Variants in CWC22 observed in about 807,000 individuals in gnomAD.
CWC22 encodes CWC22 spliceosome associated protein, also known as pre-mRNA-splicing factor CWC22 homolog.
A neutral mutation model predicts 117.2 loss-of-function variants in CWC22; 53 were observed. The observed-to-expected ratio is 0.45, with a 90% CI of 0.36 to 0.57. The LOEUF (loss-of-function observed/expected upper bound fraction) is 0.57, where lower values mean the gene tolerates loss of function less well. CWC22 is among the 20% of genes least tolerant of loss of function. The pLI, the probability that CWC22 is intolerant of heterozygous loss-of-function variation, is 0.00. For synonymous variants in CWC22, 360 were observed against 355.6 expected (o/e 1.01, Z -0.14); for missense variants, 980 against 1,068.8 (o/e 0.92, Z 1.16).
At chr2:179,995,012 G>A (rs79755156) in intron 1 of CWC22, among the ~76,000 whole-genome samples, 9,951 of 152,194 alleles carry the variant, frequency 0.065, 486 homozygotes, top group East Asian at 0.25. Context: ...CAGCTACTCC[G>A]GAGGCTGAGG....
chr2:179,998,051 A>AG (rs962494234), intron 1 of CWC22, among the ~76,000 whole-genome samples: 3 of 152,194 alleles, frequency 2.0e-5, no homozygotes, highest in Admixed American at 1.3e-4. Flanking sequence ...CAGAAAGTGT[A>AG]GGGGAAACCC....
In CWC22 at chr2:179,961,769, C is replaced by G. The variant is rs949777244; in HGVS notation, c.1398-2687G>C. 4.6e-5 allele frequency among the ~76,000 whole-genome samples: 7 copies of G among 151,658 alleles called. No individual in the cohort carries two copies. The South Asian group carries it at 8.3e-4, about 18-fold the overall frequency. On this transcript the variant is annotated intron_variant, in intron 13 of 19. Coordinates refer to ENST00000410053, the MANE Select transcript of CWC22 (RefSeq NM_020943.3). ...TTTTATTTTGAAAGTATTTAATGAC[C>G]CCCCCTACACCAAGACAGTTTTTAG...
intron 16 of CWC22, among the ~76,000 whole-genome samples, chr2:179,953,038 T>C (rs1231044806): frequency 6.6e-6 from 1 of 152,120 alleles, no homozygotes; most frequent in African/African-American, 2.4e-5. Context: ...ATTCTGAATA[T>C]TAAGACTGTG....
chr2:179,963,025 A>C (rs1686793760), intron 13 of CWC22, among the ~76,000 whole-genome samples: 1 of 152,190 alleles, frequency 6.6e-6, no homozygotes, highest in African/African-American at 2.4e-5. Flanking sequence ...AGTTACTGCT[A>C]CTAGGACTGA....
intron 11 of CWC22, among the ~76,000 whole-genome samples, chr2:179,968,037 G>A (rs1686936100): frequency 6.6e-6 from 1 of 152,086 alleles, no homozygotes; most frequent in South Asian, 2.1e-4. Flanking sequence ...GATTTTTTTG[G>A]ACGAGAGCGG....
At chr2:179,975,982 A>T (rs1687144020) in intron 6 of CWC22, among the ~76,000 whole-genome samples, 1 of 152,248 alleles carries the variant, frequency 6.6e-6, no homozygotes, top group Non-Finnish European at 1.5e-5. Flanking sequence ...AGCTGGAGGC[A>T]TCACACTCCC....
intron 14 of CWC22, among the ~76,000 whole-genome samples, 192 bp from the exon 15 acceptor site, chr2:179,955,226 A>T (rs758299693): frequency 1.7e-4 from 26 of 152,028 alleles, no homozygotes; most frequent in Admixed American, 6.6e-5. Flanking sequence ...TCTGGCTGAC[A>T]GCTTCCACAG....
chr2:179,990,629 TA>T (rs1012728361), intron 2 of CWC22, among the ~76,000 whole-genome samples: 2 of 151,168 alleles, frequency 1.3e-5, no homozygotes, highest in Admixed American at 6.6e-5. Flanking sequence ...CAGAGGACAA[TA>T]AAACTGCATT....
At chr2:179,948,503 G>GA (rs964089136) in intron 19 of CWC22, among the ~76,000 whole-genome samples, 1 of 152,096 alleles carries the variant, frequency 6.6e-6, no homozygotes, top group Non-Finnish European at 1.5e-5. Context: ...TTTTCACAGA[G>GA]AAAAATAGTT....
At chr2:179,963,277 C>T (rs1218000265) in intron 13 of CWC22, among the ~76,000 whole-genome samples, 3 of 151,310 alleles carry the variant, frequency 2.0e-5, no homozygotes, top group Non-Finnish European at 4.4e-5. Context: ...AGAATATTCA[C>T]CTCTGAGAAA....
intron 19 of CWC22, among the ~76,000 whole-genome samples, chr2:179,946,880 G>A (rs116308748): frequency 0.012 from 1,837 of 152,240 alleles, 24 homozygotes; most frequent in Non-Finnish European, 0.016. Flanking sequence ...GATATGTTAA[G>A]ATTTACACTC....
At chr2:179,946,039 T>C (rs1485747552) in intron 19 of CWC22, among the ~76,000 whole-genome samples, 1 of 152,132 alleles carries the variant, frequency 6.6e-6, no homozygotes, top group Non-Finnish European at 1.5e-5. Flanking sequence ...TCTGCCACCA[T>C]GTCTGGCTAA....
At chr2:179,986,852 T>C in intron 3 of CWC22, 47 bp from the exon 4 acceptor site, 2 of 1,025,338 alleles carry the variant, frequency 2.0e-6, no homozygotes, top group South Asian at 3.1e-5. Flanking sequence ...AACAACTATG[T>C]TATAAATATT....
chr2:180,000,107 A>C (rs535170310), intron 1 of CWC22, among the ~76,000 whole-genome samples: 7 of 152,358 alleles, frequency 4.6e-5, no homozygotes, highest in Non-Finnish European at 8.8e-5. Flanking sequence ...TACTTGTTTT[A>C]GAAAAACCGT....
At chr2:179,981,088 A>T (rs919598667) in intron 5 of CWC22, among the ~76,000 whole-genome samples, 1 of 152,220 alleles carries the variant, frequency 6.6e-6, no homozygotes, top group African/African-American at 2.4e-5. Context: ...ATAGATCATG[A>T]TCTGAAGAAA....
chr2:179,988,388 T>A (rs907759492), intron 3 of CWC22, among the ~76,000 whole-genome samples, 189 bp downstream of exon 3: 3 of 152,196 alleles, frequency 2.0e-5, no homozygotes, highest in African/African-American at 7.2e-5. Flanking sequence ...ATATCTGGAA[T>A]TATTTACTAG....
At chr2:179,981,103 A>C (rs1340605245) in intron 5 of CWC22, among the ~76,000 whole-genome samples, 3 of 152,224 alleles carry the variant, frequency 2.0e-5, no homozygotes, top group Non-Finnish European at 2.9e-5. Flanking sequence ...AAGAAAATGT[A>C]CAAAAAGAGA....
intron 13 of CWC22, among the ~76,000 whole-genome samples, chr2:179,961,284 C>T (rs964206440): frequency 6.6e-6 from 1 of 151,912 alleles, no homozygotes; most frequent in African/African-American, 2.4e-5. Context: ...GGAATGACCA[C>T]ACCCTTACTT....
chr2:179,993,016 C>T (rs1687607873), intron 2 of CWC22, among the ~76,000 whole-genome samples: 1 of 152,182 alleles, frequency 6.6e-6, no homozygotes, highest in Non-Finnish European at 1.5e-5. Flanking sequence ...CACACACACA[C>T]ACGCGCACAC....
Sources: gnomAD v4.1 joint callset for allele counts (sites outside exome capture counted in the v4.1 genomes callset) on GRCh38, gnomAD v4.1.1 for gene constraint, MANE v1.5 for transcripts, NCBI Gene and HGNC (gene_info 2026-07-23, HGNC 2026-07-21) for gene names.